Variants in TAMALIN observed in about 807,000 individuals in gnomAD.
TAMALIN encodes the protein trafficking regulator and scaffold protein tamalin.
In TAMALIN, 9 loss-of-function variants were observed where a neutral mutation model predicts 38.5. That is an observed-to-expected ratio of 0.23 (90% CI 0.14 to 0.41). The LOEUF is 0.41. Ranked by LOEUF, TAMALIN falls within the 10% of genes least tolerant of loss-of-function variation. The probability of loss-of-function intolerance (pLI) is 1.00; values close to 1 mark genes in which losing one functional copy is unlikely to be tolerated. For missense variants in TAMALIN, 548 were observed against 554.1 expected (o/e 0.99, Z 0.11); for synonymous variants, 306 against 256.5 (o/e 1.19, Z -1.85).
intron 2 of TAMALIN, 87 bp from the exon 3 acceptor site, chr12:52,010,794 A>T: frequency 7.3e-7 from 1 of 1,367,174 alleles, no homozygotes; most frequent in Non-Finnish European, 1.0e-6. Flanking sequence ...AATGTTCTAG[A>T]CCAGTTGCCA....
At chr12:52,008,589 T>G in intron 1 of TAMALIN, 5 of 985,436 alleles carry the variant, frequency 5.1e-6, no homozygotes, top group Non-Finnish European at 6.0e-6. Flanking sequence ...AACTGGTCCT[T>G]GAAACGGCCT....
intron 1 of TAMALIN, chr12:52,008,846 T>A: frequency 1.3e-6 from 1 of 743,298 alleles, no homozygotes; most frequent in Non-Finnish European, 1.6e-6. Flanking sequence ...CCTGAGCCTC[T>A]ACAGACATGG....
chr12:52,013,636 T>A (rs757173822), intron 4 of TAMALIN, 51 bp from the exon 5 acceptor site: 1 of 1,517,736 alleles, frequency 6.6e-7, no homozygotes, highest in Non-Finnish European at 9.1e-7. Context: ...AGGAGGCTGG[T>A]ATTCTAGCAT....
rs753633397 is a variant in TAMALIN, at chr12:52,007,154, C to T, written c.135C>T (p.Ala45=). Residue 45 remains alanine, a synonymous_variant, in exon 1 of 8, where the codon GCC becomes GCT. Transcript: ENST00000293662. This position sits in a 1 kb window ranked among gnomAD's most constrained non-coding sequence, Gnocchi z 6.7. ...CGACCCCGGGACCCCCTGCCGCAGC[C>T]GCCACCCCTGGGCCCCCAGCGGACG... ...PVPTPGPPAA[A]ATPGPPADEL... is the part of the protein sequence containing the mutation. 1.3e-6 allele frequency: 2 copies of T among 1,494,782 alleles called. No individual in the cohort carries two copies. Among genetic ancestry groups the T allele is most frequent in the Non-Finnish European group, 1.8e-6 (2 of 1,130,880 alleles). The allele number at this position is 1,494,782 out of a possible 1,614,324, so 92.6% of individuals were successfully genotyped here.
Position 52,013,881 on chromosome 12 carries a change from G to C in TAMALIN, c.553G>C (p.Glu185Gln). 1 of 1,614,146 alleles carries C rather than the reference G, an allele frequency of 6.2e-7. No individual in the cohort carries two copies. The highest frequency in any genetic ancestry group is 8.5e-7 in the Non-Finnish European group (1 of 1,180,022). ...GCTTTGATTCTCCAACCTCAGACTG[G>C]AAACTCTATATGGGACATCAATTCG... ...IKASGNVLRL[E>Q]TLYGTSIRKA... The change falls in exon 6 of 8, where the codon GAA becomes CAA. Residue 185 changes from glutamate (E) to glutamine (Q), a missense_variant. Glu to Gln is a conservative substitution (Grantham distance 29). Transcript: ENST00000293662.
In TAMALIN at chr12:52,010,643, C is replaced by T. The variant is rs1336104407; in HGVS notation, c.297-238C>T. The T allele has an allele frequency of 8.7e-6, 9 of 1,038,224 alleles. No individual in the cohort carries two copies. In the African/African-American group the frequency reaches 1.5e-4, roughly 17 times the overall value. The allele number at this position is 1,038,224 out of a possible 1,614,324, so 64.3% of individuals were successfully genotyped here. On this transcript the variant is annotated intron_variant, in intron 2 of 7. Coordinates refer to ENST00000293662, the MANE Select transcript of TAMALIN (RefSeq NM_181711.4). ...CGGCTCATCCTTCAGGGGACCGGCC[C>T]TTCTCTGTGCTTCCCTCCCACCACT...
At chr12:52,010,965 G>A (rs765483409) in intron 3 of TAMALIN, 30 bp downstream of exon 3, 2 of 1,613,968 alleles carry the variant, frequency 1.2e-6, no homozygotes, top group Non-Finnish European at 1.7e-6. Flanking sequence ...GGGGTCAGGG[G>A]GGTTGGATGA....
rs776627229 is a variant in TAMALIN, at chr12:52,009,184, G to C, written c.247-6G>C. The C allele has an allele frequency of 1.2e-6, 2 of 1,613,946 alleles. No homozygotes were observed. Among genetic ancestry groups the C allele is most frequent in the African/African-American group, 2.7e-5 (2 of 74,926 alleles). ...ACCTGCTCCTTCTGACCATCTTACT[G>C]CCCAGGGCTCAGGATTCCGCTGGAA... On this transcript the variant is annotated splice_region_variant and splice_polypyrimidine_tract_variant and intron_variant, in intron 1 of 7. Coordinates refer to ENST00000293662, the MANE Select transcript of TAMALIN (RefSeq NM_181711.4).
rs1937756782 is a variant in TAMALIN, at chr12:52,014,882, G to A, written c.871G>A (p.Gly291Arg). 1 of 1,251,950 alleles carries A rather than the reference G, an allele frequency of 8.0e-7. No homozygotes were observed. The highest frequency in any genetic ancestry group is 1.0e-6 in the Non-Finnish European group (1 of 990,434). 77.6% of individuals were successfully genotyped at this position (1,251,950 alleles called of 1,614,324 possible). Reference protein sequence around the residue: ...DDAVYHTCFFGDSEPPALPPP... With the variant: ...DDAVYHTCFFRDSEPPALPPP... ...CGCCGTCTACCACACGTGCTTCTTC[G>A]GGGACTCCGAGCCGCCGGCGCTGCC... The change falls in exon 8 of 8, where the codon GGG becomes AGG. Residue 291 changes from glycine to arginine, a missense_variant. Around this residue, in one of 3 missense-constraint regions of TAMALIN, gnomAD observed 415 missense variants for 417.0 expected, o/e 1.00. Coordinates refer to ENST00000293662, the MANE Select transcript of TAMALIN (RefSeq NM_181711.4).
rs1358914587 is a variant in TAMALIN at position 52,014,904 on chromosome 12, TGCCGCCCCC to T, written c.904_912del (p.Pro302_Pro304del). On this transcript the variant is annotated inframe_deletion, in exon 8 of 8. Transcript: ENST00000293662. ...TTCGGGGACTCCGAGCCGCCGGCGC[TGCCGCCCCC>T]GCCGCCCCCGGCCCGCGCCTTCGGC... 2.2e-5 allele frequency: 26 copies of T among 1,168,584 alleles called. No individual in the cohort carries two copies. The highest frequency in any genetic ancestry group is 6.7e-5 in the African/African-American group (4 of 59,404). 72.4% of individuals were successfully genotyped at this position (1,168,584 alleles called of 1,614,324 possible). A position where few individuals can be genotyped will look rare whatever the true frequency, so the allele number is the denominator to read the frequency against.
chr12:52,010,830 G>T, intron 2 of TAMALIN, 51 bp from the exon 3 acceptor site: 1 of 1,601,408 alleles, frequency 6.2e-7, no homozygotes, highest in South Asian at 1.1e-5. Context: ...CAAGCTATGG[G>T]ACTTCTACAC....
At chr12:52,010,656 C>A in intron 2 of TAMALIN, 1 of 993,658 alleles carries the variant, frequency 1.0e-6, no homozygotes, top group Non-Finnish European at 1.4e-6. Context: ...CTCTGTGCTT[C>A]CCTCCCACCA....
Position 52,007,538 on chromosome 12 carries a change from A to C in TAMALIN, c.246+273A>C, listed in dbSNP as rs1942434706. ...CTCCTCCCAGCACCCCCCTTCTCCT[A>C]CCCGCTCCATCTGGCTTTCTGCCCC... On this transcript the variant is annotated intron_variant, in intron 1 of 7. Transcript: ENST00000293662. This position sits in a 1 kb window ranked among gnomAD's most constrained non-coding sequence, Gnocchi z 6.7. 4 of 971,682 alleles carry C rather than the reference A, an allele frequency of 4.1e-6. No individual in the cohort carries two copies. Among genetic ancestry groups the C allele is most frequent in the African/African-American group, 1.9e-5 (1 of 52,980 alleles). 60.2% of individuals were successfully genotyped at this position (971,682 alleles called of 1,614,324 possible).
intron 7 of TAMALIN, 94 bp downstream of exon 7, chr12:52,014,295 CGGTTT>C (rs1198851620): frequency 1.9e-6 from 2 of 1,053,934 alleles, no homozygotes; most frequent in African/African-American, 3.1e-5. Flanking sequence ...TAGTAAAGAA[CGGTTT>C]ACTAGTAAAC....
intron 2 of TAMALIN, among the ~76,000 whole-genome samples, chr12:52,010,298 G>A (rs1942481569): frequency 1.3e-5 from 2 of 152,172 alleles, no homozygotes; most frequent in South Asian, 4.1e-4. Flanking sequence ...AGGAAACTCT[G>A]GGCTCCCCCA....
At chr12:52,008,283 A>T in intron 1 of TAMALIN, 2 of 985,300 alleles carry the variant, frequency 2.0e-6, no homozygotes, top group Non-Finnish European at 2.4e-6. Context: ...TGCAGGCTCC[A>T]AAGAAAAGGG....
At position 52,008,301 on chromosome 12, in the gene TAMALIN, G is replaced by A. The variant is rs1028271244; in HGVS notation, c.247-889G>A. 1.6e-5 allele frequency: 16 copies of A among 985,164 alleles called. No individual in the cohort carries two copies. In the African/African-American group the frequency reaches 2.8e-4, roughly 17 times the overall value. 61.0% of individuals were successfully genotyped at this position (985,164 alleles called of 1,614,324 possible). On this transcript the variant is annotated intron_variant, in intron 1 of 7. Transcript: ENST00000293662. ...AGGCTCCAAAGAAAAGGGCTGCTCT[G>A]GGACTGGACCTCCTCCCAGGACCAA...
At chr12:52,010,781 TG>T in intron 2 of TAMALIN, 99 bp from the exon 3 acceptor site, 1 of 1,257,506 alleles carries the variant, frequency 8.0e-7, no homozygotes, top group Non-Finnish European at 1.2e-6. Context: ...AGAGTCCTGC[TG>T]GAATGTTCTA....
rs766050199 is a variant in TAMALIN at position 52,011,097 on chromosome 12, G to A, written c.410G>A (p.Arg137Gln). The part of the protein sequence containing the change: ...QRVEMVTFVC[R>Q]VHESSPAQLA... ...GTGGAAATGGTGACCTTTGTCTGCCGAGTTCATGAGTCTAGCCCTGCCCAG... is the reference window on the plus strand; with the variant it reads ...GTGGAAATGGTGACCTTTGTCTGCCAAGTTCATGAGTCTAGCCCTGCCCAG... Residue 137 changes from arginine (R) to glutamine (Q), a missense_variant, in exon 4 of 8, where the codon CGA becomes CAA. By Grantham distance (43) the Arg-to-Gln change is conservative. This residue lies in a region of TAMALIN where 415 missense variants were observed against 417.0 expected (regional missense o/e 1.00). Coordinates refer to ENST00000293662, the MANE Select transcript of TAMALIN (RefSeq NM_181711.4). This position sits in a 1 kb window ranked among gnomAD's most constrained non-coding sequence, Gnocchi z 5.3. 6.8e-6 allele frequency: 11 copies of A among 1,612,844 alleles called. No individual in the cohort carries two copies. Among genetic ancestry groups the A allele is most frequent in the Admixed American group, 6.7e-5 (4 of 60,000 alleles).
Sources: gnomAD v4.1 joint callset for allele counts (sites outside exome capture counted in the v4.1 genomes callset) on GRCh38, gnomAD v4.1.1 for gene constraint, gnomAD v4.1.1 regional missense constraint, Gnocchi (gnomAD v3.1) non-coding constraint, MANE v1.5 for transcripts, NCBI Gene and HGNC (gene_info 2026-07-23, HGNC 2026-07-21) for gene names.